SUGCT: variants seen among roughly 807,000 people sequenced by gnomAD.
SUGCT encodes succinyl-CoA:glutarate CoA-transferase.
In SUGCT, 41 loss-of-function variants were observed where a neutral mutation model predicts 55.0. The ratio of observed to expected loss-of-function variants is 0.74; its 90% CI spans 0.58 to 0.97. The LOEUF (loss-of-function observed/expected upper bound fraction) is 0.97, where lower values mean the gene tolerates loss of function less well. Among genes scored for constraint, SUGCT ranks in the 50% least tolerant of loss-of-function variants. SUGCT has a pLI of 0.00. For synonymous variants in SUGCT, 187 were observed against 200.4 expected (o/e 0.93, Z 0.56); for missense variants, 568 against 547.8 (o/e 1.04, Z -0.37).
chr7:40,615,495 G>C (rs1470771161), intron 12 of SUGCT, among the ~76,000 whole-genome samples: 1 of 152,140 alleles, frequency 6.6e-6, no homozygotes, highest in Admixed American at 6.5e-5. Flanking sequence ...GAAGGATCCT[G>C]AGCAGAAAGT....
At chr7:40,827,426 TG>T (rs1792370354) in intron 13 of SUGCT, among the ~76,000 whole-genome samples, 1 of 152,068 alleles carries the variant, frequency 6.6e-6, no homozygotes, top group Non-Finnish European at 1.5e-5. Context: ...AAGAGGCTGC[TG>T]GGGTCAGAAG....
downstream of SUGCT, among the ~76,000 whole-genome samples, chr7:40,862,063 A>G (rs1678091704): frequency 6.6e-6 from 1 of 152,202 alleles, no homozygotes; most frequent in Non-Finnish European, 1.5e-5. Flanking sequence ...AGGCCCGACC[A>G]TTTCTTCCGC....
At chr7:40,668,430 G>C (rs1211954435) in intron 12 of SUGCT, among the ~76,000 whole-genome samples, 1 of 151,994 alleles carries the variant, frequency 6.6e-6, no homozygotes, top group Non-Finnish European at 1.5e-5. Context: ...TTGTCTTGGG[G>C]ATCTTTTCAT....
intron 11 of SUGCT, among the ~76,000 whole-genome samples, chr7:40,486,296 T>C (rs1398981520): frequency 6.6e-6 from 1 of 152,216 alleles, no homozygotes; most frequent in Non-Finnish European, 1.5e-5. Context: ...TGATCATTTG[T>C]ATTTTGTGAT....
intron 12 of SUGCT, among the ~76,000 whole-genome samples, chr7:40,547,275 T>G (rs182937180): frequency 6.6e-6 from 1 of 152,294 alleles, no homozygotes; most frequent in Non-Finnish European, 1.5e-5. Context: ...TGAGAGCTAC[T>G]GTACTTAGTT....
Position 40,316,955 on chromosome 7 carries a change from G to GTTTTTTTTTTTTT in SUGCT, c.816+106_816+118dup, listed in dbSNP as rs56989808. The GTTTTTTTTTTTTT allele has an allele frequency of 4.9e-4, 92 of 189,410 alleles. 3 individuals are homozygous for GTTTTTTTTTTTTT. The highest frequency in any genetic ancestry group is 5.9e-4 in the Non-Finnish European group (61 of 103,282). The allele number at this position is 189,410 out of a possible 1,614,324, so 11.7% of individuals were successfully genotyped here. A position where few individuals can be genotyped will look rare whatever the true frequency, so the allele number is the denominator to read the frequency against. ...CTTTTTATACACAAATCCTTCAGCT[G>GTTTTTTTTTTTTT]TTTTTTTTTTTTTTTTTTGTAATGT... On this transcript the variant is annotated intron_variant, in intron 9 of 13. Coordinates refer to ENST00000335693, the MANE Select transcript of SUGCT (RefSeq NM_001193313.2).
At chr7:40,347,532 G>A (rs530624312) in intron 9 of SUGCT, among the ~76,000 whole-genome samples, 3 of 152,296 alleles carry the variant, frequency 2.0e-5, no homozygotes, top group South Asian at 2.1e-4. Flanking sequence ...AGATAAGATA[G>A]ATGAATTGAA....
Position 40,237,665 on chromosome 7 carries a change from G to A in SUGCT, c.515G>A (p.Arg172Gln), listed in dbSNP as rs764946582. 11 of 1,613,726 alleles carry A rather than the reference G, an allele frequency of 6.8e-6. No individual in the cohort carries two copies. In the Admixed American group the frequency reaches 8.3e-5, roughly 12 times the overall value. The change falls in exon 7 of 14, where the codon CGA (arginine) becomes CAA (glutamine). Residue 172 changes from arginine to glutamine, a missense_variant. Coordinates refer to ENST00000335693, the MANE Select transcript of SUGCT (RefSeq NM_001193313.2). The stretch of plus-strand genomic sequence containing the variant: ...GGTCAGACAGGTCCAATTTCTCAGC[G>A]AGCTGGTTATGATGCTGTTGCCTCG... ...GYGQTGPISQRAGYDAVASAV... is the reference protein window; with the variant it reads ...GYGQTGPISQQAGYDAVASAV...
chr7:40,712,201 C>T (rs1436654957), intron 12 of SUGCT, among the ~76,000 whole-genome samples: 1 of 152,204 alleles, frequency 6.6e-6, no homozygotes, highest in Non-Finnish European at 1.5e-5. Context: ...GTATGGATTA[C>T]TAAACATTCA....
chr7:40,786,336 A>G lies in SUGCT; in HGVS notation c.1153+36839A>G, dbSNP rs1790011808. ...AATTTGCTAATGATTATTTTCTATA[A>G]GATATGTGTTATAGGATGTTCTTAG... On this transcript the variant is annotated intron_variant, in intron 13 of 13. Transcript: ENST00000335693. Among the ~76,000 whole-genome samples, 3 of 152,204 alleles carry G rather than the reference A, an allele frequency of 2.0e-5. No individual in the cohort carries two copies. The South Asian group carries it at 6.2e-4, about 31-fold the overall frequency.
At chr7:40,929,741 A>G in the SUGCT span, among the ~76,000 whole-genome samples, 30 of 152,148 alleles carry the variant, frequency 2.0e-4, no homozygotes, top group Non-Finnish European at 2.8e-4. Flanking sequence ...GTCTGTTCAT[A>G]TCCTTCACCC....
At chr7:40,814,586 C>T (rs551180800) in intron 13 of SUGCT, among the ~76,000 whole-genome samples, 1 of 151,644 alleles carries the variant, frequency 6.6e-6, no homozygotes, top group South Asian at 2.1e-4. Context: ...TTACCTCTTC[C>T]TTCATTTCCT....
chr7:40,579,081 T>C (rs934357978), intron 12 of SUGCT, among the ~76,000 whole-genome samples: 2 of 152,118 alleles, frequency 1.3e-5, no homozygotes, highest in African/African-American at 4.8e-5. Context: ...GACAAAATAG[T>C]AATCCTTTCT....
chr7:40,865,395 G>C (rs912566041), downstream of SUGCT, among the ~76,000 whole-genome samples: 4 of 152,066 alleles, frequency 2.6e-5, no homozygotes, highest in African/African-American at 9.7e-5. Context: ...TTAATAACTA[G>C]CTGCCACTTC....
At chr7:40,938,739 A>G in the SUGCT span, among the ~76,000 whole-genome samples, 1 of 152,054 alleles carries the variant, frequency 6.6e-6, no homozygotes, top group Non-Finnish European at 1.5e-5. Flanking sequence ...AAGTCTCCAA[A>G]GTCCACTATA....
intron 12 of SUGCT, among the ~76,000 whole-genome samples, chr7:40,497,317 C>A (rs1792037530): frequency 6.6e-6 from 1 of 151,994 alleles, no homozygotes; most frequent in Non-Finnish European, 1.5e-5. Flanking sequence ...CCTTTGGTGC[C>A]TTTTATCTTA....
At chr7:40,258,450 C>A (rs1369093826) in intron 7 of SUGCT, among the ~76,000 whole-genome samples, 2 of 152,188 alleles carry the variant, frequency 1.3e-5, no homozygotes, top group African/African-American at 4.8e-5. Flanking sequence ...GCGATCTTGG[C>A]TCACTGCAAC....
At chr7:41,033,620 C>A in the SUGCT span, among the ~76,000 whole-genome samples, 1 of 152,106 alleles carries the variant, frequency 6.6e-6, no homozygotes, top group African/African-American at 2.4e-5. Context: ...GGGAGGTATG[C>A]ATGCAAATGT....
the SUGCT span, among the ~76,000 whole-genome samples, chr7:41,034,956 G>T: frequency 3.3e-5 from 5 of 152,134 alleles, no homozygotes; most frequent in African/African-American, 1.2e-4. Context: ...TCTCAGCATG[G>T]GCTGGCTGGA....
Sources: gnomAD v4.1 joint callset for allele counts (sites outside exome capture counted in the v4.1 genomes callset) on GRCh38, gnomAD v4.1.1 for gene constraint, MANE v1.5 for transcripts, NCBI Gene and HGNC (gene_info 2026-07-23, HGNC 2026-07-21) for gene names.